C6orf89: variants seen among roughly 807,000 people sequenced by gnomAD.
C6orf89 encodes the protein bombesin receptor-activated protein C6orf89.
Under a neutral mutation model 40.7 loss-of-function variants are expected in C6orf89, and 29 were observed. The observed-to-expected ratio is 0.71, with a 90% CI of 0.53 to 0.97. C6orf89 has a LOEUF of 0.97. Among genes scored for constraint, C6orf89 ranks in the 50% least tolerant of loss-of-function variants. The pLI, the probability that C6orf89 is intolerant of heterozygous loss-of-function variation, is 0.00. For missense variants in C6orf89, 392 were observed against 429.1 expected (o/e 0.91, Z 0.76); for synonymous variants, 165 against 152.2 (o/e 1.08, Z -0.62).
chr6:36,886,906 A>C (rs1775012596), intron 1 of C6orf89, among the ~76,000 whole-genome samples: 1 of 152,230 alleles, frequency 6.6e-6, no homozygotes, highest in South Asian at 2.1e-4. Context: ...TGAAGTTTTG[A>C]CTAAAGGTTC....
At chr6:36,916,341 C>A in intron 6 of C6orf89, 104 bp from the exon 7 acceptor site, 1 of 1,397,160 alleles carries the variant, frequency 7.2e-7, no homozygotes, top group East Asian at 2.3e-5. Context: ...ATTTTTCCCT[C>A]TTTACCCACC....
At chr6:36,908,477 A>G (rs1017138814) in intron 4 of C6orf89, among the ~76,000 whole-genome samples, 1 of 152,174 alleles carries the variant, frequency 6.6e-6, no homozygotes, top group Admixed American at 6.5e-5. Flanking sequence ...TAATAAAGTA[A>G]TATTTCTCAT....
upstream of C6orf89, among the ~76,000 whole-genome samples, chr6:36,882,618 A>G (rs1248574520): frequency 1.3e-5 from 2 of 152,168 alleles, no homozygotes; most frequent in Non-Finnish European, 2.9e-5. Flanking sequence ...GTTTGGTTCC[A>G]TATTCCTGGA....
chr6:36,916,905 C>T (rs12202755), intron 7 of C6orf89, among the ~76,000 whole-genome samples: 34,163 of 152,032 alleles, frequency 0.22, 3,932 homozygotes, highest in East Asian at 0.3. Context: ...GCTTTCCTAC[C>T]TTAAATTAGA....
intron 1 of C6orf89, among the ~76,000 whole-genome samples, chr6:36,889,841 TAGG>T (rs1761120744): frequency 6.6e-6 from 1 of 152,212 alleles, no homozygotes; most frequent in East Asian, 1.9e-4. Flanking sequence ...TCGTTATTCT[TAGG>T]AGATGCATGT....
intron 8 of C6orf89, among the ~76,000 whole-genome samples, chr6:36,921,552 C>A (rs1033157365): frequency 3.9e-5 from 6 of 152,102 alleles, no homozygotes; most frequent in African/African-American, 1.4e-4. Flanking sequence ...CCATCATGAC[C>A]AAGTCACCAA....
chr6:36,905,985 C>T (rs149713902), intron 4 of C6orf89, among the ~76,000 whole-genome samples: 341 of 152,300 alleles, frequency 2.2e-3, no homozygotes, highest in African/African-American at 7.9e-3. Context: ...TCAAGCCAGG[C>T]GCTAGCATGT....
intron 2 of C6orf89, among the ~76,000 whole-genome samples, chr6:36,899,162 T>C (rs1472156955): frequency 2.0e-5 from 3 of 152,218 alleles, no homozygotes; most frequent in African/African-American, 7.2e-5. Flanking sequence ...TCTAGACCAG[T>C]GCTCCTCAGT....
At chr6:36,901,475 C>T (rs1420799850) in intron 3 of C6orf89, among the ~76,000 whole-genome samples, 1 of 147,420 alleles carries the variant, frequency 6.8e-6, no homozygotes, top group Non-Finnish European at 1.5e-5. Flanking sequence ...GCTGAGACTA[C>T]AGGCGCCCAT....
upstream of C6orf89, among the ~76,000 whole-genome samples, chr6:36,882,713 CTTT>C (rs1168220528): frequency 1.7e-5 from 2 of 115,446 alleles, no homozygotes; most frequent in East Asian, 7.3e-4. Flanking sequence ...TTGTCATTTT[CTTT>C]TTTTTTTTTT....
At chr6:36,914,749 GGAGGCC>G in intron 6 of C6orf89, 56 bp downstream of exon 6, 1 of 1,588,842 alleles carries the variant, frequency 6.3e-7, no homozygotes, top group Non-Finnish European at 8.6e-7. Context: ...CAGCACTTTG[GGAGGCC>G]GAGGCAGGCA....
intron 3 of C6orf89, among the ~76,000 whole-genome samples, chr6:36,901,695 G>T (rs538950769): frequency 7.1e-6 from 1 of 140,992 alleles, no homozygotes; most frequent in Admixed American, 7.2e-5. Context: ...TTGAGACGGA[G>T]TCTCTCGCTC....
intron 1 of C6orf89, among the ~76,000 whole-genome samples, chr6:36,886,249 A>T (rs1441033727): frequency 6.6e-6 from 1 of 151,810 alleles, no homozygotes; most frequent in Non-Finnish European, 1.5e-5. Context: ...ACTTTCTTTG[A>T]CTCCGCCGGG....
chr6:36,925,640 C>G lies in C6orf89; in HGVS notation c.*2199C>G, dbSNP rs1454311796. The G allele has an allele frequency of 6.6e-6, 1 of 152,182 alleles. No individual in the cohort carries two copies. Among genetic ancestry groups the G allele is most frequent in the African/African-American group, 2.4e-5 (1 of 41,440 alleles). 9.4% of individuals were successfully genotyped at this position (152,182 alleles called of 1,614,324 possible). ...GGGAAAATTCTCCAAAGAGGGTTTT[C>G]TACATACACAGAAGCAGTTCAACTT... On this transcript the variant is annotated 3_prime_UTR_variant, in exon 9 of 9. Transcript: ENST00000480824.
chr6:36,879,583 T>A (rs767731071), intron 2 of C6orf89, among the ~76,000 whole-genome samples: 2 of 152,206 alleles, frequency 1.3e-5, no homozygotes, highest in African/African-American at 4.8e-5. Context: ...TCTAAGGTTT[T>A]GATTAATGCA....
At position 36,899,505 on chromosome 6, in the gene C6orf89, G is replaced by A; in HGVS notation, c.61G>A (p.Val21Met). The change falls in exon 3 of 9, where the codon GTG becomes ATG. Residue 21 changes from valine to methionine, a missense_variant. Transcript: ENST00000480824. Reference sequence around the variant, plus strand: ...CAAACTTTCAGAGACTGTTGATTTGGTGAGACAGACCGGCCATCAGTGTGG... The same window carrying A: ...CAAACTTTCAGAGACTGTTGATTTGATGAGACAGACCGGCCATCAGTGTGG... ...YDKLSETVDL[V>M]RQTGHQCGMS... is the part of the protein sequence containing the mutation. 6.2e-7 allele frequency: 1 copy of A among 1,614,070 alleles called. No individual in the cohort carries two copies. Among genetic ancestry groups the A allele is most frequent in the South Asian group, 1.1e-5 (1 of 91,076 alleles).
chr6:36,887,069 C>T (rs1775019623), intron 1 of C6orf89, among the ~76,000 whole-genome samples: 1 of 152,124 alleles, frequency 6.6e-6, no homozygotes, highest in South Asian at 2.1e-4. Flanking sequence ...AGATTCCTAA[C>T]CTGCTAACCT....
intron 1 of C6orf89, among the ~76,000 whole-genome samples, chr6:36,887,947 A>G (rs146561555): frequency 0.059 from 8,898 of 152,096 alleles, 325 homozygotes; most frequent in Middle Eastern, 0.15. Context: ...TGGTCTTGGA[A>G]GTCCTGGGCT....
intron 7 of C6orf89, 109 bp from the exon 8 acceptor site, chr6:36,919,469 G>A: frequency 7.5e-7 from 1 of 1,327,626 alleles, no homozygotes; most frequent in Non-Finnish European, 1.0e-6. Flanking sequence ...CTTTGCTTAT[G>A]CTAGGAAACT....
Sources: gnomAD v4.1 joint callset for allele counts (sites outside exome capture counted in the v4.1 genomes callset) on GRCh38, gnomAD v4.1.1 for gene constraint, MANE v1.5 for transcripts, NCBI Gene and HGNC (gene_info 2026-07-23, HGNC 2026-07-21) for gene names.